KIR2DL1: variants seen among roughly 807,000 people sequenced by gnomAD.
The protein encoded by KIR2DL1 is killer cell immunoglobulin-like receptor 2DL1.
KIR2DL1 carries 38 observed loss-of-function variants against 33.9 expected under a neutral mutation model. The observed-to-expected ratio is 1.12, with a 90% CI of 0.86 to 1.47. The LOEUF (loss-of-function observed/expected upper bound fraction) is 1.47, where lower values mean the gene tolerates loss of function less well. Among genes scored for constraint, KIR2DL1 ranks in the 40% most tolerant of loss-of-function variants. The probability of loss-of-function intolerance (pLI) is 0.00; values close to 1 mark genes in which losing one functional copy is unlikely to be tolerated. For missense variants in KIR2DL1, 531 were observed against 433.9 expected, an observed-to-expected ratio of 1.22 and a Z score of -1.99; for synonymous variants, 179 against 165.9, an observed-to-expected ratio of 1.08 and a Z score of -0.61.
At chr19:54,777,927 T>G (rs1487155196) in intron 4 of KIR2DL1, among the ~76,000 whole-genome samples, 1 of 148,440 alleles carries the variant, frequency 6.7e-6, no homozygotes, top group Non-Finnish European at 1.5e-5. Context: ...TTGAAAAGAC[T>G]GTCCTTTCCT....
chr19:54,770,379 T>C (rs1275572447), intron 1 of KIR2DL1, among the ~76,000 whole-genome samples: 1 of 134,658 alleles, frequency 7.4e-6, no homozygotes, highest in Non-Finnish European at 1.6e-5. Flanking sequence ...GGTCGATATC[T>C]GGGCCTGGAG....
chr19:54,772,596 T>C (rs2075867337), intron 2 of KIR2DL1, among the ~76,000 whole-genome samples: 1 of 145,814 alleles, frequency 6.9e-6, no homozygotes, highest in Admixed American at 7.0e-5. Flanking sequence ...TCCTAGCGAC[T>C]TGGGAGGCTG....
chr19:54,772,772 C>T (rs1000990420), intron 2 of KIR2DL1, among the ~76,000 whole-genome samples: 1 of 107,226 alleles, frequency 9.3e-6, no homozygotes, highest in South Asian at 3.5e-4. Context: ...ATCAGCAAGG[C>T]TCAGATGATG....
intron 2 of KIR2DL1, among the ~76,000 whole-genome samples, chr19:54,772,548 A>C (rs1389896308): frequency 6.9e-6 from 1 of 145,708 alleles, no homozygotes; most frequent in East Asian, 2.0e-4. Context: ...TTAAGAAACA[A>C]CACAAGGATA....
chr19:54,781,784 A>G (rs1185982179), intron 5 of KIR2DL1, among the ~76,000 whole-genome samples: 2 of 152,066 alleles, frequency 1.3e-5, no homozygotes, highest in South Asian at 2.1e-4. Context: ...CGCTTTTTTT[A>G]TCTTGATTTC....
intron 5 of KIR2DL1, among the ~76,000 whole-genome samples, chr19:54,781,484 T>C (rs1310497566): frequency 1.3e-5 from 2 of 150,360 alleles, no homozygotes; most frequent in Admixed American, 6.7e-5. Context: ...TCCAATCACC[T>C]GTGGAGATTC....
intron 4 of KIR2DL1, among the ~76,000 whole-genome samples, chr19:54,777,392 A>C (rs2076476933): frequency 6.7e-6 from 1 of 148,636 alleles, no homozygotes; most frequent in African/African-American, 2.5e-5. Flanking sequence ...CACCCGGCCT[A>C]AAAGCCATTT....
intron 4 of KIR2DL1, among the ~76,000 whole-genome samples, chr19:54,776,112 G>C (rs367832738): frequency 8.6e-3 from 1,129 of 130,558 alleles, no homozygotes; most frequent in Middle Eastern, 0.042. Flanking sequence ...AGCTGGTCTC[G>C]AACTCCTGAC....
In KIR2DL1 at chr19:54,773,582, C is replaced by G; in HGVS notation, c.320C>G (p.Ser107Cys). ...TYRCYGSVTH[S>C]PYQVSAPSDP... ...AGATGCTACGGTTCTGTTACTCACTCCCCCTATCAGGTGTCAGCTCCCAGT... is the reference window on the plus strand; with the variant it reads ...AGATGCTACGGTTCTGTTACTCACTGCCCCTATCAGGTGTCAGCTCCCAGT... Residue 107 changes from serine to cysteine, a missense_variant, in exon 3 of 8, where the codon TCC becomes TGC. Transcript: ENST00000336077. The G allele has an allele frequency of 6.3e-7, 1 of 1,580,578 alleles. No individual in the cohort carries two copies. The highest frequency in any genetic ancestry group is 1.1e-5 in the South Asian group (1 of 90,190).
intron 6 of KIR2DL1, 31 bp downstream of exon 6, chr19:54,783,054 T>A: frequency 6.2e-7 from 1 of 1,602,594 alleles, no homozygotes; most frequent in Non-Finnish European, 8.5e-7. Context: ...GCCAGAGAGC[T>A]CAGGGCCATG....
intron 4 of KIR2DL1, among the ~76,000 whole-genome samples, chr19:54,777,786 C>T (rs1458831050): frequency 3.7e-4 from 55 of 147,740 alleles, no homozygotes; most frequent in Non-Finnish European, 6.0e-4. Context: ...TTTTGTTCTA[C>T]GTGTTTCATA....
chr19:54,772,703 C>T (rs193200647), intron 2 of KIR2DL1, among the ~76,000 whole-genome samples: 4,455 of 143,232 alleles, frequency 0.031, 446 homozygotes, highest in Middle Eastern at 0.088. Context: ...GAGACTCTGT[C>T]GCCAAAATTA....
In KIR2DL1 at chr19:54,782,910, A is replaced by G. The variant is rs368759371; in HGVS notation, c.716-12A>G. 2 of 1,609,252 alleles carry G rather than the reference A, an allele frequency of 1.2e-6. No homozygotes were observed. Among genetic ancestry groups the G allele is most frequent in the Non-Finnish European group, 1.7e-6 (2 of 1,176,772 alleles). On this transcript the variant is annotated splice_polypyrimidine_tract_variant and intron_variant, in intron 5 of 7. Coordinates refer to ENST00000336077, the MANE Select transcript of KIR2DL1 (RefSeq NM_014218.3). ...AAGATTAGCTTCTTATTGGTGTCTCATCTTCTTCCAGGTAACCCCCGACAC... is the reference window on the plus strand; with the variant it reads ...AAGATTAGCTTCTTATTGGTGTCTCGTCTTCTTCCAGGTAACCCCCGACAC...
At chr19:54,783,142 G>C in intron 6 of KIR2DL1, 119 bp downstream of exon 6, 1 of 1,193,156 alleles carries the variant, frequency 8.4e-7, no homozygotes, top group Admixed American at 1.9e-5. Flanking sequence ...AGCAGCCACA[G>C]AGGCAGGACT....
intron 1 of KIR2DL1, 57 bp downstream of exon 1, chr19:54,769,941 A>G: frequency 4.5e-6 from 7 of 1,555,056 alleles, no homozygotes; most frequent in Non-Finnish European, 6.2e-6. Flanking sequence ...CTGGGCCCAG[A>G]GGTGGAGATA....
At chr19:54,773,024 G>A (rs576766361) in intron 2 of KIR2DL1, among the ~76,000 whole-genome samples, 2 of 148,388 alleles carry the variant, frequency 1.3e-5, no homozygotes, top group African/African-American at 2.5e-5. Flanking sequence ...AGCCTATCCT[G>A]GTTCCTCTTC....
intron 4 of KIR2DL1, among the ~76,000 whole-genome samples, chr19:54,778,027 G>A (rs202070190): frequency 0.12 from 17,813 of 144,658 alleles, 197 homozygotes; most frequent in South Asian, 0.2. Context: ...TTGGGAGCCC[G>A]AGGTGGGTGG....
At chr19:54,778,728 C>T (rs2076635887) in intron 5 of KIR2DL1, 66 bp downstream of exon 5, 9 of 1,376,336 alleles carry the variant, frequency 6.5e-6, no homozygotes, top group East Asian at 4.5e-5. Flanking sequence ...TGGATTCAGG[C>T]GTTGACTCAG....
At chr19:54,773,801 G>C (rs35680538) in intron 3 of KIR2DL1, among the ~76,000 whole-genome samples, 169 bp downstream of exon 3, 30,970 of 144,046 alleles carry the variant, frequency 0.22, 5,103 homozygotes, top group Non-Finnish European at 0.3. Context: ...GACACAAGTA[G>C]AGACCAGGTG....
Sources: gnomAD v4.1 joint callset for allele counts (sites outside exome capture counted in the v4.1 genomes callset) on GRCh38, gnomAD v4.1.1 for gene constraint, MANE v1.5 for transcripts, NCBI Gene and HGNC (gene_info 2026-07-23, HGNC 2026-07-21) for gene names.